Variants in CNTNAP2 observed in about 807,000 individuals in gnomAD.
CNTNAP2 encodes the protein contactin-associated protein-like 2.
CNTNAP2 carries 98 observed loss-of-function variants against 155.2 expected under a neutral mutation model. The ratio of observed to expected loss-of-function variants is 0.63; its 90% confidence interval spans 0.54 to 0.75. The LOEUF is 0.75. Among genes scored for constraint, CNTNAP2 ranks in the 30% least tolerant of loss-of-function variants. The pLI, the probability that CNTNAP2 is intolerant of heterozygous loss-of-function variation, is 0.00. For synonymous variants in CNTNAP2, 651 were observed against 631.2 expected (o/e 1.03, Z -0.47); for missense variants, 1,727 against 1,688.1 (o/e 1.02, Z -0.40).
rs374164599 is a variant in CNTNAP2 at position 146,379,570 on chromosome 7, G to A, written c.97+262597G>A. Reference sequence around the variant, plus strand: ...CTTGAGGAATTTGGCAATAGGTAACGCTACTCATGTTAAGTTGCTATAAGA... The same window carrying A: ...CTTGAGGAATTTGGCAATAGGTAACACTACTCATGTTAAGTTGCTATAAGA... On this transcript the variant is annotated intron_variant, in intron 1 of 23. Coordinates refer to ENST00000361727, the MANE Select transcript of CNTNAP2 (RefSeq NM_014141.6). Among the ~76,000 whole-genome samples, 4 of 152,244 alleles carry A rather than the reference G, an allele frequency of 2.6e-5. No individual in the cohort carries two copies. The East Asian group carries it at 7.7e-4, about 29-fold the overall frequency.
At chr7:147,029,556 T>TC (rs1798988315) in intron 3 of CNTNAP2, among the ~76,000 whole-genome samples, 1 of 151,540 alleles carries the variant, frequency 6.6e-6, no homozygotes, top group Non-Finnish European at 1.5e-5. Flanking sequence ...AGGGTTTTTT[T>TC]TTTTTCTTCC....
At chr7:147,365,196 G>A in intron 9 of CNTNAP2, among the ~76,000 whole-genome samples, 1 of 151,792 alleles carries the variant, frequency 6.6e-6, no homozygotes, top group South Asian at 2.1e-4. Flanking sequence ...CTGAGGTCAG[G>A]AGTTTGAGAC....
intron 3 of CNTNAP2, among the ~76,000 whole-genome samples, chr7:147,040,979 A>C (rs1367032481): frequency 1.3e-5 from 2 of 152,130 alleles, no homozygotes; most frequent in African/African-American, 4.8e-5. Flanking sequence ...TTGAAATATC[A>C]AATCTGTCTT....
chr7:147,644,091 G>A (rs1400996683), intron 13 of CNTNAP2, among the ~76,000 whole-genome samples: 1 of 152,032 alleles, frequency 6.6e-6, no homozygotes, highest in African/African-American at 2.4e-5. Context: ...CACAGAAATG[G>A]AAAAATAAAA....
intron 15 of CNTNAP2, among the ~76,000 whole-genome samples, chr7:147,994,922 G>A (rs1801775719): frequency 6.6e-6 from 1 of 152,178 alleles, no homozygotes; most frequent in African/African-American, 2.4e-5. Flanking sequence ...AACTGCTATA[G>A]TTGTACTCAT....
At chr7:148,089,608 G>A (rs1184857480) in intron 15 of CNTNAP2, among the ~76,000 whole-genome samples, 2 of 151,708 alleles carry the variant, frequency 1.3e-5, no homozygotes, top group East Asian at 3.8e-4. Flanking sequence ...AGTTTATAAT[G>A]AAATTTATAA....
At chr7:147,731,134 GCAA>G (rs752717898) in intron 13 of CNTNAP2, among the ~76,000 whole-genome samples, 33 of 152,100 alleles carry the variant, frequency 2.2e-4, no homozygotes, top group Non-Finnish European at 4.1e-4. Flanking sequence ...TGTAGAAGCT[GCAA>G]CAAGTTATCT....
intron 1 of CNTNAP2, among the ~76,000 whole-genome samples, chr7:146,456,047 T>A (rs1460434035): frequency 6.6e-6 from 1 of 151,596 alleles, no homozygotes. Flanking sequence ...AAGTGGAGAG[T>A]TTTTTCTTAA....
chr7:147,231,809 A>C (rs1803687105), intron 8 of CNTNAP2, among the ~76,000 whole-genome samples: 1 of 152,160 alleles, frequency 6.6e-6, no homozygotes, highest in South Asian at 2.1e-4. Flanking sequence ...TGAGATCTTT[A>C]TATGATTTGG....
chr7:147,474,027 C>T (rs1483955626), intron 10 of CNTNAP2, among the ~76,000 whole-genome samples: 5 of 151,174 alleles, frequency 3.3e-5, no homozygotes, highest in Non-Finnish European at 7.4e-5. Context: ...TGTGGTGAGC[C>T]GAGATCGCAC....
intron 14 of CNTNAP2, among the ~76,000 whole-genome samples, chr7:147,913,498 CA>C (rs1183807370): frequency 1.3e-5 from 2 of 152,134 alleles, no homozygotes; most frequent in East Asian, 3.9e-4. Context: ...TTTACAGCTT[CA>C]GATTTTTAGG....
intron 8 of CNTNAP2, among the ~76,000 whole-genome samples, chr7:147,244,876 A>G (rs550677012): frequency 6.6e-6 from 1 of 152,288 alleles, no homozygotes; most frequent in African/African-American, 2.4e-5. Context: ...TATTTCTTAG[A>G]TTCTTAGTAC....
At chr7:146,903,331 T>C (rs1357426196) in intron 3 of CNTNAP2, among the ~76,000 whole-genome samples, 2 of 152,178 alleles carry the variant, frequency 1.3e-5, no homozygotes, top group East Asian at 3.9e-4. Context: ...CTCTCTAATT[T>C]ATAACTCTAC....
intron 8 of CNTNAP2, among the ~76,000 whole-genome samples, chr7:147,149,219 T>C (rs1292848123): frequency 1.3e-5 from 2 of 152,116 alleles, no homozygotes; most frequent in African/African-American, 4.8e-5. Flanking sequence ...AGACACAGAG[T>C]GCTGATTGGT....
At position 147,713,739 on chromosome 7, in the gene CNTNAP2, C is replaced by T. The variant is rs142357777; in HGVS notation, c.2098+74433C>T. On this transcript the variant is annotated intron_variant, in intron 13 of 23. Coordinates refer to ENST00000361727, the MANE Select transcript of CNTNAP2 (RefSeq NM_014141.6). ...TAAACTGTTTTCTATGGTGGTGTAG[C>T]GTTTTGTTTTTAGACCAGCAATGAA... Among the ~76,000 whole-genome samples the T allele has an allele frequency of 2.6e-5, 4 of 152,112 alleles. No individual in the cohort carries two copies. The East Asian group carries it at 5.8e-4, about 22-fold the overall frequency.
chr7:147,472,865 G>T (rs1215674210), intron 10 of CNTNAP2, among the ~76,000 whole-genome samples: 1 of 152,184 alleles, frequency 6.6e-6, no homozygotes, highest in African/African-American at 2.4e-5. Context: ...TATTCACCCA[G>T]CAATGCCTCT....
intron 3 of CNTNAP2, among the ~76,000 whole-genome samples, chr7:146,865,081 T>G (rs956581509): frequency 1.3e-5 from 2 of 151,180 alleles, no homozygotes; most frequent in Non-Finnish European, 2.9e-5. Context: ...CATCAAATAT[T>G]CGGAAAATGT....
intron 9 of CNTNAP2, among the ~76,000 whole-genome samples, chr7:147,340,912 T>G (rs1371685229): frequency 6.6e-6 from 1 of 152,060 alleles, no homozygotes; most frequent in Non-Finnish European, 1.5e-5. Flanking sequence ...AATGCCTCAC[T>G]TCCTATGACC....
intron 15 of CNTNAP2, among the ~76,000 whole-genome samples, chr7:148,098,341 G>T (rs914105542): frequency 6.6e-6 from 1 of 151,378 alleles, no homozygotes; most frequent in African/African-American, 2.4e-5. Context: ...CTACTCGGGA[G>T]GCTGAGGCAG....
Sources: allele counts gnomAD v4.1 joint callset (sites outside exome capture counted in the v4.1 genomes callset), GRCh38; gene constraint gnomAD v4.1.1; transcripts MANE v1.5; gene names NCBI Gene and HGNC (gene_info 2026-07-23, HGNC 2026-07-21).